The following RMND1 variants were observed in gnomAD, a reference collection of about 807,000 sequenced individuals.
RMND1 encodes the protein required for meiotic nuclear division protein 1 homolog.
RMND1 carries 41 observed loss-of-function variants against 54.0 expected under a neutral mutation model. The observed-to-expected ratio is 0.76, with a 90% CI of 0.59 to 0.98. RMND1 has a LOEUF of 0.98. Ranked by LOEUF, RMND1 falls within the 50% of genes least tolerant of loss-of-function variation. RMND1 has a pLI of 0.00. For missense variants in RMND1, 457 were observed against 532.0 expected, an observed-to-expected ratio of 0.86 and a Z score of 1.39; for synonymous variants, 183 against 181.7, an observed-to-expected ratio of 1.01 and a Z score of -0.06.
chr6:151,405,339 T>A, intron 11 of RMND1, 72 bp from the exon 12 acceptor site: 1 of 1,372,852 alleles, frequency 7.3e-7, no homozygotes, highest in Non-Finnish European at 1.0e-6. Context: ...CTTCCAAGAT[T>A]GTGATTAATG....
Position 151,405,154 on chromosome 6 carries a change from G to T in RMND1, c.*81C>A. ...GAAAGTGCTGGGATTACAGGCATGA[G>T]GCACCGCGCCGGGCCGAACATTTAA... On this transcript the variant is annotated 3_prime_UTR_variant, in exon 12 of 12. Coordinates refer to ENST00000444024, the MANE Select transcript of RMND1 (RefSeq NM_017909.4). 1 of 1,286,516 alleles carries T rather than the reference G, an allele frequency of 7.8e-7. No homozygotes were observed. The highest frequency in any genetic ancestry group is 1.2e-5 in the South Asian group (1 of 82,504). The allele number at this position is 1,286,516 out of a possible 1,614,324, so 79.7% of individuals were successfully genotyped here.
At chr6:151,409,316 C>A (rs1240895591) in intron 10 of RMND1, among the ~76,000 whole-genome samples, 1 of 152,120 alleles carries the variant, frequency 6.6e-6, no homozygotes, top group Non-Finnish European at 1.5e-5. Flanking sequence ...ATCCATGATA[C>A]TTAGAGGGAA....
chr6:151,450,885 C>A (rs904693018), intron 1 of RMND1, among the ~76,000 whole-genome samples: 1 of 152,180 alleles, frequency 6.6e-6, no homozygotes, highest in Non-Finnish European at 1.5e-5. Flanking sequence ...TGGGATCCTG[C>A]TAATCGGTGA....
intron 7 of RMND1, 40 bp from the exon 8 acceptor site, chr6:151,422,645 A>T: frequency 1.0e-6 from 1 of 1,001,584 alleles, no homozygotes. Flanking sequence ...CTTTATCATC[A>T]TATTCACATG....
intron 9 of RMND1, among the ~76,000 whole-genome samples, chr6:151,420,099 T>C (rs577481554): frequency 2.6e-5 from 4 of 152,328 alleles, no homozygotes; most frequent in Admixed American, 1.3e-4. Context: ...TAAGCCTTTA[T>C]AGAAACTATT....
intron 3 of RMND1, 108 bp downstream of exon 3, chr6:151,436,338 C>A: frequency 3.2e-6 from 4 of 1,262,550 alleles, no homozygotes; most frequent in Non-Finnish European, 4.4e-6. Flanking sequence ...ATGATACAAT[C>A]CTTTCAAAAG....
intron 10 of RMND1, among the ~76,000 whole-genome samples, chr6:151,409,823 G>C (rs1332580559): frequency 1.3e-5 from 2 of 152,150 alleles, no homozygotes; most frequent in Non-Finnish European, 2.9e-5. Context: ...GGAGAAGGTG[G>C]CATGGGGACA....
chr6:151,450,769 G>T (rs1461659490), intron 1 of RMND1, among the ~76,000 whole-genome samples: 2 of 151,418 alleles, frequency 1.3e-5, no homozygotes, highest in Non-Finnish European at 3.0e-5. Context: ...AGGGGGGAAA[G>T]GGGGGGAAAA....
At chr6:151,406,593 G>A (rs1046344034) in intron 10 of RMND1, among the ~76,000 whole-genome samples, 10 of 152,024 alleles carry the variant, frequency 6.6e-5, no homozygotes, top group African/African-American at 1.9e-4. Context: ...CTTGTGATCC[G>A]CCCGCCTCGG....
chr6:151,449,636 CCCTCTCCCT>C (rs934281949), intron 1 of RMND1, among the ~76,000 whole-genome samples: 4 of 151,882 alleles, frequency 2.6e-5, no homozygotes, highest in Non-Finnish European at 2.9e-5. Context: ...CCAGCCCTCT[CCCTCTCCCT>C]CCTCTCCCTC....
At position 151,433,156 on chromosome 6, in the gene RMND1, TGAA is replaced by T. The variant is rs1351755053; in HGVS notation, c.685_687del (p.Phe229del). 1 of 1,606,778 alleles carries T rather than the reference TGAA, an allele frequency of 6.2e-7. No homozygotes were observed. The highest frequency in any genetic ancestry group is 8.5e-7 in the Non-Finnish European group (1 of 1,174,490). ...AATGGGGTTTCTTTCCTGTCTTACC[TGAA>T]GAAGAATATTGTTCCAGGATCACCT... is the stretch of plus-strand genomic sequence containing the variant. On this transcript the variant is annotated inframe_deletion and splice_region_variant, in exon 4 of 12. Transcript: ENST00000444024.
intron 3 of RMND1, among the ~76,000 whole-genome samples, chr6:151,434,671 G>A (rs6930557): frequency 0.53 from 80,753 of 151,706 alleles, 23,888 homozygotes; most frequent in African/African-American, 0.8. Flanking sequence ...TCACACAAAC[G>A]GTCTGTTTGG....
chr6:151,435,699 C>T (rs1582962156), intron 3 of RMND1, among the ~76,000 whole-genome samples: 4 of 151,512 alleles, frequency 2.6e-5, no homozygotes, highest in Admixed American at 1.3e-4. Context: ...CAATTACAGG[C>T]GTGAGCTACT....
chr6:151,439,650 GTTT>G (rs947389513), intron 2 of RMND1, among the ~76,000 whole-genome samples: 2 of 152,026 alleles, frequency 1.3e-5, no homozygotes, highest in African/African-American at 4.8e-5. Context: ...ATTTTATTCT[GTTT>G]TTTACTTTAT....
At chr6:151,416,117 T>C (rs549568722) in intron 10 of RMND1, among the ~76,000 whole-genome samples, 4 of 151,820 alleles carry the variant, frequency 2.6e-5, no homozygotes, top group Non-Finnish European at 5.9e-5. Flanking sequence ...TAGCTGGGAC[T>C]ACAGGCACGC....
chr6:151,422,632 T>C (rs1171866014), intron 7 of RMND1, 27 bp from the exon 8 acceptor site: 18 of 1,175,742 alleles, frequency 1.5e-5, no homozygotes, highest in Non-Finnish European at 2.2e-5. Context: ...TAATGGAACA[T>C]TTCTTTATCA....
intron 1 of RMND1, among the ~76,000 whole-genome samples, chr6:151,451,689 A>G (rs1440595419): frequency 6.6e-6 from 1 of 152,228 alleles, no homozygotes; most frequent in African/African-American, 2.4e-5. Flanking sequence ...GAGAACAATT[A>G]CACCAATTAA....
intron 5 of RMND1, among the ~76,000 whole-genome samples, 175 bp from the exon 6 acceptor site, chr6:151,427,757 T>G (rs911989597): frequency 6.6e-6 from 1 of 152,210 alleles, no homozygotes; most frequent in Non-Finnish European, 1.5e-5. Context: ...CAGGATGACA[T>G]GTTCATTTGT....
chr6:151,427,267 T>A (rs575089410), intron 6 of RMND1, among the ~76,000 whole-genome samples: 2 of 151,850 alleles, frequency 1.3e-5, no homozygotes, highest in African/African-American at 2.4e-5. Context: ...TCCCACTTAC[T>A]CAGGAGGCTG....
Sources: allele counts gnomAD v4.1 joint callset (sites outside exome capture counted in the v4.1 genomes callset), GRCh38; gene constraint gnomAD v4.1.1; transcripts MANE v1.5; gene names NCBI Gene and HGNC (gene_info 2026-07-23, HGNC 2026-07-21).